Variants in PGLYRP1 observed in about 807,000 individuals in gnomAD.
PGLYRP1 encodes the protein peptidoglycan recognition protein 1.
A neutral mutation model predicts 16.3 loss-of-function variants in PGLYRP1; 18 were observed. That is an observed-to-expected ratio of 1.11 (90% CI 0.77 to 1.64). PGLYRP1 has a LOEUF of 1.64. PGLYRP1 is among the 40% of genes most tolerant of loss of function. The pLI, the probability that PGLYRP1 is intolerant of heterozygous loss-of-function variation, is 0.00. For missense variants in PGLYRP1, 261 were observed against 268.6 expected (o/e 0.97, Z 0.20); for synonymous variants, 89 against 105.7 (o/e 0.84, Z 0.97).
chr19:46,019,794 T>G lies in PGLYRP1; in HGVS notation c.288-147A>C. ...CTTCTCACCCGTTAATTTCCCACGA[T>G]AGTAACAATGACTGTGGTCATTTAT... is the stretch of plus-strand genomic sequence containing the variant. On this transcript the variant is annotated intron_variant, in intron 1 of 2. Coordinates refer to ENST00000008938, the MANE Select transcript of PGLYRP1 (RefSeq NM_005091.3). The surrounding 1 kb of genome is among the most constrained non-coding windows in gnomAD (Gnocchi z 4.8). The G allele has an allele frequency of 2.4e-6, 2 of 836,920 alleles. No individual in the cohort carries two copies. Among genetic ancestry groups the G allele is most frequent in the Non-Finnish European group, 3.7e-6 (2 of 546,898 alleles). 51.8% of individuals were successfully genotyped at this position (836,920 alleles called of 1,614,324 possible).
intron 1 of PGLYRP1, among the ~76,000 whole-genome samples, chr19:46,022,497 G>T (rs921942203): frequency 6.6e-6 from 1 of 152,270 alleles, no homozygotes; most frequent in Non-Finnish European, 1.5e-5. Context: ...CCCGGGAGCG[G>T]GAGCGGGGCT....
chr19:46,021,139 C>T lies in PGLYRP1; in HGVS notation c.288-1492G>A, dbSNP rs540923862. ...CGTGACATGGAAAGGGGATTCAGAA[C>T]GTTAGAACCAGATTCGGAATCCTAA... On this transcript the variant is annotated intron_variant, in intron 1 of 2. Transcript: ENST00000008938. The T allele has an allele frequency of 5.3e-5, 8 of 152,372 alleles. No individual in the cohort carries two copies. In the East Asian group the frequency reaches 7.7e-4, roughly 15 times the overall value. 9.4% of individuals were successfully genotyped at this position (152,372 alleles called of 1,614,324 possible).
Position 46,019,703 on chromosome 19 carries a change from T to G in PGLYRP1, c.288-56A>C, listed in dbSNP as rs926128008. Reference sequence around the variant, plus strand: ...TGAGGGAGGGTTTCCCGAGGAGGACTCCTCCTCCTTCCTCCACTCACCCTG... The same window carrying G: ...TGAGGGAGGGTTTCCCGAGGAGGACGCCTCCTCCTTCCTCCACTCACCCTG... On this transcript the variant is annotated intron_variant, in intron 1 of 2. Transcript: ENST00000008938. The surrounding 1 kb of genome is among the most constrained non-coding windows in gnomAD (Gnocchi z 4.8). 115 of 1,545,154 alleles carry G rather than the reference T, an allele frequency of 7.4e-5. No individual in the cohort carries two copies. The highest frequency in any genetic ancestry group is 5.0e-4 in the African/African-American group (37 of 73,742).
chr19:46,019,499 A>C lies in PGLYRP1; in HGVS notation c.409+27T>G, dbSNP rs1600659426. 1 of 1,613,278 alleles carries C rather than the reference A, an allele frequency of 6.2e-7. No individual in the cohort carries two copies. Among genetic ancestry groups the C allele is most frequent in the Admixed American group, 1.7e-5 (1 of 59,954 alleles). On this transcript the variant is annotated intron_variant, in intron 2 of 2. Transcript: ENST00000008938. This position sits in a 1 kb window ranked among gnomAD's most constrained non-coding sequence, Gnocchi z 4.8. ...AGCGTAGGGCCCCGTGTCAGCCCCC[A>C]TCCCAACTGGCTGGACAGTCACTCA...
rs931315613 is a variant in PGLYRP1, at chr19:46,019,968, C to T, written c.288-321G>A. On this transcript the variant is annotated intron_variant, in intron 1 of 2. Transcript: ENST00000008938. The surrounding 1 kb of genome is among the most constrained non-coding windows in gnomAD (Gnocchi z 4.8). ...CCGGGGTCACACAGCCTGTCTGGGG[C>T]ACAGCTGGGGTTTTTAACCAGGCCT... Among the ~76,000 whole-genome samples, 1 of 152,182 alleles carries T rather than the reference C, an allele frequency of 6.6e-6. No individual in the cohort carries two copies. Among genetic ancestry groups the T allele is most frequent in the Non-Finnish European group, 1.5e-5 (1 of 68,034 alleles).
chr19:46,019,554 A>G lies in PGLYRP1; in HGVS notation c.381T>C (p.Ile127=). 12 of 1,614,034 alleles carry G rather than the reference A, an allele frequency of 7.4e-6. No individual in the cohort carries two copies. The highest frequency in any genetic ancestry group is 1.0e-5 in the Non-Finnish European group (12 of 1,179,946). Residue 127 remains isoleucine (I), a synonymous_variant, in exon 2 of 3, where the codon ATT becomes ATC. Coordinates refer to ENST00000008938, the MANE Select transcript of PGLYRP1 (RefSeq NM_005091.3). The surrounding 1 kb of genome is among the most constrained non-coding windows in gnomAD (Gnocchi z 4.8). ...TGTAGTTGCCCATGAAGCTGATGCC[A>G]ATGGACATGGGGTTCCATAAGTGAC... ...HSGHLWNPMS[I]GISFMGNYMD...
intron 1 of PGLYRP1, among the ~76,000 whole-genome samples, chr19:46,021,548 C>T (rs776423202): frequency 4.9e-4 from 75 of 152,264 alleles, no homozygotes; most frequent in Non-Finnish European, 9.0e-4. Context: ...CTGTGGAAAC[C>T]GTCAGGCTGG....
At chr19:46,020,567 A>G (rs973710368) in intron 1 of PGLYRP1, among the ~76,000 whole-genome samples, 2 of 152,180 alleles carry the variant, frequency 1.3e-5, no homozygotes, top group African/African-American at 2.4e-5. Flanking sequence ...GGACAGGATC[A>G]CAGACTCAAA....
rs765426795 is a variant in PGLYRP1, at chr19:46,019,687, G to T, written c.288-40C>A. On this transcript the variant is annotated intron_variant, in intron 1 of 2. Coordinates refer to ENST00000008938, the MANE Select transcript of PGLYRP1 (RefSeq NM_005091.3). This position sits in a 1 kb window ranked among gnomAD's most constrained non-coding sequence, Gnocchi z 4.8. Reference sequence around the variant, plus strand: ...GGGGGGGCTTGATGAGTGAGGGAGGGTTTCCCGAGGAGGACTCCTCCTCCT... The same window carrying T: ...GGGGGGGCTTGATGAGTGAGGGAGGTTTTCCCGAGGAGGACTCCTCCTCCT... 6.3e-7 allele frequency: 1 copy of T among 1,591,882 alleles called. No homozygotes were observed. Among genetic ancestry groups the T allele is most frequent in the Non-Finnish European group, 8.5e-7 (1 of 1,170,636 alleles).
intron 1 of PGLYRP1, among the ~76,000 whole-genome samples, chr19:46,020,086 C>T (rs1209181286): frequency 6.6e-6 from 1 of 150,438 alleles, no homozygotes; most frequent in Non-Finnish European, 1.5e-5. Flanking sequence ...CCTTGCAGGA[C>T]AGCCCTCTGA....
Position 46,019,628 on chromosome 19 carries a change from C to T in PGLYRP1, c.307G>A (p.Gly103Arg), listed in dbSNP as rs772900737. 2.9e-5 allele frequency: 47 copies of T among 1,613,528 alleles called. No homozygotes were observed. The highest frequency in any genetic ancestry group is 4.5e-5 in the East Asian group (2 of 44,868). ...VGYNFLIGED[G>R]LVYEGRGWNF... is the part of the protein sequence containing the mutation. ...CAGCCACGGCCCTCGTATACGAGCC[C>T]GTCTTCTCCAATCAGGAAGCTGCAT... Residue 103 changes from glycine to arginine, a missense_variant, in exon 2 of 3, where the codon GGG becomes AGG. Coordinates refer to ENST00000008938, the MANE Select transcript of PGLYRP1 (RefSeq NM_005091.3). This position sits in a 1 kb window ranked among gnomAD's most constrained non-coding sequence, Gnocchi z 4.8.
In PGLYRP1 at chr19:46,022,815, G is replaced by A. The variant is rs779389451; in HGVS notation, c.207C>T (p.Thr69=). ...GGGCCTGCTGCTGGCACGAGGCGGGGGTGTTGCAGCTGCTGCCCGCCGTGT... is the reference window on the plus strand; with the variant it reads ...GGGCCTGCTGCTGGCACGAGGCGGGAGTGTTGCAGCTGCTGCCCGCCGTGT... The part of the protein sequence containing the change: ...VSHTAGSSCN[T]PASCQQQARN... Residue 69 remains threonine, a synonymous_variant, in exon 1 of 3, where the codon ACC becomes ACT. Transcript: ENST00000008938. The A allele has an allele frequency of 3.3e-5, 54 of 1,613,904 alleles. 1 individual carries two copies. Among genetic ancestry groups the A allele is most frequent in the Admixed American group, 1.3e-4 (8 of 59,964 alleles).
chr19:46,020,164 A>C (rs1011343840), intron 1 of PGLYRP1, among the ~76,000 whole-genome samples: 1 of 146,608 alleles, frequency 6.8e-6, no homozygotes, highest in Non-Finnish European at 1.5e-5. Context: ...GCTGGAGTGC[A>C]GTGGCGTGAT....
In PGLYRP1 at chr19:46,019,273, G is replaced by A. The variant is rs1466648118; in HGVS notation, c.556C>T (p.Leu186Phe). 1 of 1,613,988 alleles carries A rather than the reference G, an allele frequency of 6.2e-7. No individual in the cohort carries two copies. Among genetic ancestry groups the A allele is most frequent in the Non-Finnish European group, 8.5e-7 (1 of 1,179,948 alleles). ...CGGTAGTGTGGCCAATTCTGGATGA[G>A]GTGGTAGAGCTGGTTGCCTGGAGAG... ...TLSPGNQLYH[L>F]IQNWPHYRSP is the part of the protein sequence containing the mutation. Residue 186 changes from leucine (L) to phenylalanine (F), a missense_variant, in exon 3 of 3, where the codon CTC becomes TTC. Transcript: ENST00000008938. This position sits in a 1 kb window ranked among gnomAD's most constrained non-coding sequence, Gnocchi z 4.8.
intron 1 of PGLYRP1, among the ~76,000 whole-genome samples, chr19:46,022,503 G>A (rs948597191): frequency 2.0e-5 from 3 of 152,262 alleles, no homozygotes. Context: ...AGCGGGAGCG[G>A]GGCTTGGATT....
chr19:46,019,223 C>G lies in PGLYRP1; in HGVS notation c.*15G>C, dbSNP rs76565267. ...GCCATGGGAGGGGAGGAATGGGGTG[C>G]GGATCAGCAGGGCCTCAGGGGGAGC... On this transcript the variant is annotated 3_prime_UTR_variant, in exon 3 of 3. Coordinates refer to ENST00000008938, the MANE Select transcript of PGLYRP1 (RefSeq NM_005091.3). This position sits in a 1 kb window ranked among gnomAD's most constrained non-coding sequence, Gnocchi z 4.8. The G allele has an allele frequency of 2.5e-6, 4 of 1,610,838 alleles. No homozygotes were observed. In the African/African-American group the frequency reaches 5.3e-5, roughly 22 times the overall value.
intron 1 of PGLYRP1, among the ~76,000 whole-genome samples, chr19:46,021,855 G>A (rs1290415393): frequency 6.6e-6 from 1 of 151,900 alleles, no homozygotes; most frequent in Non-Finnish European, 1.5e-5. Context: ...CACAGGACCC[G>A]CCCACTCAAC....
rs375392675 is a variant in PGLYRP1, at chr19:46,022,818, G to T, written c.204C>A (p.Asn68Lys). Residue 68 changes from asparagine to lysine, a missense_variant, in exon 1 of 3, where the codon AAC becomes AAA. Coordinates refer to ENST00000008938, the MANE Select transcript of PGLYRP1 (RefSeq NM_005091.3). ...VVSHTAGSSC[N>K]TPASCQQQAR... ...CCTGCTGCTGGCACGAGGCGGGGGT[G>T]TTGCAGCTGCTGCCCGCCGTGTGCG... 1.9e-6 allele frequency: 3 copies of T among 1,613,836 alleles called. 1 individual carries two copies. The African/African-American group carries it at 4.0e-5, about 22-fold the overall frequency.
intron 1 of PGLYRP1, among the ~76,000 whole-genome samples, chr19:46,021,708 CG>C (rs1328685600): frequency 6.6e-6 from 1 of 152,168 alleles, no homozygotes; most frequent in Non-Finnish European, 1.5e-5. Flanking sequence ...CCCTGCTCTG[CG>C]GGGGGAAGCC....
Sources: allele counts gnomAD v4.1 joint callset (sites outside exome capture counted in the v4.1 genomes callset), GRCh38; gene constraint gnomAD v4.1.1; non-coding constraint Gnocchi (gnomAD v3.1); transcripts MANE v1.5; gene names NCBI Gene and HGNC (gene_info 2026-07-23, HGNC 2026-07-21).